Variants in PHLPP1 observed in about 807,000 individuals in gnomAD.
The protein encoded by PHLPP1 is PH domain leucine-rich repeat-containing protein phosphatase 1.
Under a neutral mutation model 117.2 loss-of-function variants are expected in PHLPP1, and 42 were observed. The observed-to-expected ratio is 0.36, with a 90% CI of 0.28 to 0.46. The LOEUF (loss-of-function observed/expected upper bound fraction) is 0.46, where lower values mean the gene tolerates loss of function less well. Ranked by LOEUF, PHLPP1 falls within the 20% of genes least tolerant of loss-of-function variation. The probability of loss-of-function intolerance (pLI) is 1.00; values close to 1 mark genes in which losing one functional copy is unlikely to be tolerated. For missense variants in PHLPP1, 2,084 were observed against 2,241.9 expected, an observed-to-expected ratio of 0.93 and a Z score of 1.42; for synonymous variants, 1,042 against 970.7, an observed-to-expected ratio of 1.07 and a Z score of -1.37.
chr18:62,821,655 T>A (rs562673432), intron 1 of PHLPP1, among the ~76,000 whole-genome samples: 1 of 150,558 alleles, frequency 6.6e-6, no homozygotes, highest in South Asian at 2.1e-4. Flanking sequence ...ACCAAACTGA[T>A]CAAGAAAAGA....
At chr18:62,842,941 G>A (rs1386166103) in intron 3 of PHLPP1, 1 of 152,144 alleles carries the variant, frequency 6.6e-6, no homozygotes, top group Non-Finnish European at 1.5e-5. Flanking sequence ...CTAGCATCTA[G>A]GGAGAGTAGA....
intron 3 of PHLPP1, among the ~76,000 whole-genome samples, chr18:62,847,688 A>C (rs112537672): frequency 2.0e-4 from 31 of 152,182 alleles, no homozygotes; most frequent in African/African-American, 7.0e-4. Context: ...TTTCTTTGAA[A>C]GCATTCTTTA....
rs1913870298 is a variant in PHLPP1 at position 62,804,193 on chromosome 18, A to G, written c.1577-25842A>G. ...TGAACAGGGAAGAGCCCCTTATGAA[A>G]CCATCAGATCTCATGAGAACTCACT... is the stretch of plus-strand genomic sequence containing the variant. On this transcript the variant is annotated intron_variant, in intron 1 of 16. Transcript: ENST00000262719. Among the ~76,000 whole-genome samples the G allele has an allele frequency of 1.3e-5, 2 of 152,002 alleles. 1 individual carries two copies. The highest frequency in any genetic ancestry group is 4.2e-4 in the South Asian group (2 of 4,814).
At chr18:62,767,661 G>C (rs958099159) in intron 1 of PHLPP1, among the ~76,000 whole-genome samples, 3 of 152,208 alleles carry the variant, frequency 2.0e-5, no homozygotes, top group Non-Finnish European at 4.4e-5. Flanking sequence ...GAATTGATCT[G>C]TCTCTGAAAA....
intron 1 of PHLPP1, among the ~76,000 whole-genome samples, chr18:62,783,340 G>A (rs992661362): frequency 2.0e-5 from 3 of 150,126 alleles, no homozygotes; most frequent in Admixed American, 6.7e-5. Context: ...CCATTCACCT[G>A]CCTCAGCCTC....
At chr18:62,912,944 C>CA (rs1370775236) in intron 8 of PHLPP1, among the ~76,000 whole-genome samples, 1 of 152,186 alleles carries the variant, frequency 6.6e-6, no homozygotes, top group Non-Finnish European at 1.5e-5. Context: ...AAGAATTAGT[C>CA]ATAGAGTTAA....
rs565753865 is a variant in PHLPP1, at chr18:62,916,231, A to G, written c.2804+1223A>G. On this transcript the variant is annotated intron_variant, in intron 9 of 16. Coordinates refer to ENST00000262719, the MANE Select transcript of PHLPP1 (RefSeq NM_194449.4). Reference sequence around the variant, plus strand: ...GAGAAGTGCTATAAGTGTAAAATGTACATGGAATATAAAATATTAATAATA... The same window carrying G: ...GAGAAGTGCTATAAGTGTAAAATGTGCATGGAATATAAAATATTAATAATA... 2.2e-4 allele frequency among the ~76,000 whole-genome samples: 34 copies of G among 152,216 alleles called. 1 individual carries two copies. In the South Asian group the frequency reaches 6.2e-3, roughly 28 times the overall value.
intron 13 of PHLPP1, among the ~76,000 whole-genome samples, chr18:62,961,340 T>G (rs1180521095): frequency 1.8e-4 from 28 of 152,124 alleles, no homozygotes; most frequent in Admixed American, 1.8e-3. Flanking sequence ...TTCATTTCAC[T>G]TCAGATAGCT....
At chr18:62,907,568 G>A (rs1215085624) in intron 8 of PHLPP1, among the ~76,000 whole-genome samples, 1 of 142,894 alleles carries the variant, frequency 7.0e-6, no homozygotes, top group African/African-American at 2.6e-5. Flanking sequence ...AATGGAAGAT[G>A]AAATGAAGCG....
intron 12 of PHLPP1, among the ~76,000 whole-genome samples, chr18:62,946,815 A>G (rs1910301792): frequency 6.6e-6 from 1 of 152,122 alleles, no homozygotes; most frequent in South Asian, 2.1e-4. Flanking sequence ...GCACTTTGGG[A>G]GGCCAAGGCA....
At chr18:62,792,657 G>A (rs1451014918) in intron 1 of PHLPP1, among the ~76,000 whole-genome samples, 1 of 152,000 alleles carries the variant, frequency 6.6e-6, no homozygotes, top group Admixed American at 6.6e-5. Context: ...GATTGCTTGA[G>A]CCCAGGAGTT....
chr18:62,799,853 T>C (rs1253557536), intron 1 of PHLPP1, among the ~76,000 whole-genome samples: 2 of 152,224 alleles, frequency 1.3e-5, no homozygotes, highest in African/African-American at 4.8e-5. Context: ...ATTTTTCCTC[T>C]TTTTAACAAG....
At chr18:62,851,630 T>C (rs548419841) in intron 3 of PHLPP1, among the ~76,000 whole-genome samples, 1 of 152,124 alleles carries the variant, frequency 6.6e-6, no homozygotes, top group Non-Finnish European at 1.5e-5. Context: ...CCGGCTAATA[T>C]TTGTATTTCT....
chr18:62,893,761 C>T (rs1324093047), intron 4 of PHLPP1, among the ~76,000 whole-genome samples: 1 of 151,986 alleles, frequency 6.6e-6, no homozygotes, highest in Non-Finnish European at 1.5e-5. Flanking sequence ...GTGTAGAGGT[C>T]GTTGATAGGC....
chr18:62,934,613 A>G (rs1341151862), intron 10 of PHLPP1, among the ~76,000 whole-genome samples: 1 of 152,180 alleles, frequency 6.6e-6, no homozygotes, highest in African/African-American at 2.4e-5. Context: ...ATTGGGTACT[A>G]TTTGGTGGTA....
intron 4 of PHLPP1, among the ~76,000 whole-genome samples, chr18:62,874,045 G>A (rs372300530): frequency 2.0e-5 from 3 of 151,448 alleles, no homozygotes; most frequent in Non-Finnish European, 2.9e-5. Flanking sequence ...TAGCTGGGCC[G>A]TGGTGGTGCA....
intron 10 of PHLPP1, among the ~76,000 whole-genome samples, chr18:62,935,894 T>C (rs1909954427): frequency 6.6e-6 from 1 of 152,086 alleles, no homozygotes; most frequent in Non-Finnish European, 1.5e-5. Flanking sequence ...TCTCAGCTAC[T>C]TGGGAGGCTG....
intron 1 of PHLPP1, among the ~76,000 whole-genome samples, chr18:62,790,024 A>G (rs1913412309): frequency 6.6e-6 from 1 of 152,238 alleles, no homozygotes; most frequent in Admixed American, 6.5e-5. Flanking sequence ...TTCATGGGCT[A>G]TTATGATGGA....
At chr18:62,849,668 A>T (rs932216767) in intron 3 of PHLPP1, among the ~76,000 whole-genome samples, 1 of 147,510 alleles carries the variant, frequency 6.8e-6, no homozygotes, top group Non-Finnish European at 1.5e-5. Flanking sequence ...AAAAAAAAAA[A>T]ATCTACCAGG....
Sources: gnomAD v4.1 joint callset for allele counts (sites outside exome capture counted in the v4.1 genomes callset) on GRCh38, gnomAD v4.1.1 for gene constraint, MANE v1.5 for transcripts, NCBI Gene and HGNC (gene_info 2026-07-23, HGNC 2026-07-21) for gene names.